CNTNAP5: variants seen among roughly 807,000 people sequenced by gnomAD.
CNTNAP5 encodes contactin-associated protein-like 5.
In CNTNAP5, 72 loss-of-function variants were observed where a neutral mutation model predicts 150.2. The observed-to-expected ratio is 0.48, with a 90% CI of 0.40 to 0.58. CNTNAP5 has a LOEUF of 0.58. Ranked by LOEUF, CNTNAP5 falls within the 20% of genes least tolerant of loss-of-function variation. The pLI is 0.00. For synonymous variants in CNTNAP5, 672 were observed against 619.8 expected, an observed-to-expected ratio of 1.08 and a Z score of -1.25; for missense variants, 1,636 against 1,626.2, an observed-to-expected ratio of 1.01 and a Z score of -0.10.
At chr2:124,525,053 C>A (rs1335965173) in intron 9 of CNTNAP5, among the ~76,000 whole-genome samples, 1 of 152,134 alleles carries the variant, frequency 6.6e-6, no homozygotes, top group African/African-American at 2.4e-5. Context: ...TTAAGTGAGT[C>A]CTGGGAACCT....
chr2:124,359,136 G>A (rs1266470978), intron 3 of CNTNAP5, among the ~76,000 whole-genome samples: 1 of 152,066 alleles, frequency 6.6e-6, no homozygotes, highest in Non-Finnish European at 1.5e-5. Context: ...CATTTCTGTG[G>A]GATCGGCGGT....
chr2:124,821,723 A>G (rs927323075), intron 19 of CNTNAP5, among the ~76,000 whole-genome samples: 1 of 152,180 alleles, frequency 6.6e-6, no homozygotes, highest in African/African-American at 2.4e-5. Context: ...GTAGCTCTCC[A>G]AGTGTGATCC....
At chr2:124,359,331 T>C (rs939581725) in intron 3 of CNTNAP5, among the ~76,000 whole-genome samples, 5 of 151,442 alleles carry the variant, frequency 3.3e-5, no homozygotes, top group African/African-American at 7.3e-5. Flanking sequence ...TTTAGTTATT[T>C]CTTGCCTTCT....
At chr2:124,131,886 C>T (rs1219910923) in intron 1 of CNTNAP5, among the ~76,000 whole-genome samples, 1 of 152,120 alleles carries the variant, frequency 6.6e-6, no homozygotes, top group African/African-American at 2.4e-5. Flanking sequence ...TTTCATTTTG[C>T]TGTGTGTCTT....
intron 12 of CNTNAP5, among the ~76,000 whole-genome samples, chr2:124,614,863 A>G (rs766204459): frequency 3.3e-5 from 5 of 152,050 alleles, no homozygotes; most frequent in Non-Finnish European, 5.9e-5. Flanking sequence ...TCTCAGCCTT[A>G]TTTTACCCAG....
At chr2:124,110,990 G>C (rs1282264766) in intron 1 of CNTNAP5, among the ~76,000 whole-genome samples, 1 of 152,136 alleles carries the variant, frequency 6.6e-6, no homozygotes, top group African/African-American at 2.4e-5. Context: ...ATCTCTACTT[G>C]TCTGGTAAAT....
At chr2:124,882,726 A>G (rs1677992020) in intron 21 of CNTNAP5, among the ~76,000 whole-genome samples, 2 of 152,074 alleles carry the variant, frequency 1.3e-5, no homozygotes, top group Non-Finnish European at 2.9e-5. Context: ...CACTGCTAAT[A>G]AAGATATACT....
intron 1 of CNTNAP5, among the ~76,000 whole-genome samples, chr2:124,081,936 C>A (rs1342837906): frequency 6.6e-6 from 1 of 152,142 alleles, no homozygotes; most frequent in Non-Finnish European, 1.5e-5. Flanking sequence ...AATTTTATAT[C>A]AATACAAAAT....
intron 19 of CNTNAP5, among the ~76,000 whole-genome samples, chr2:124,862,084 G>A (rs897570765): frequency 1.3e-5 from 2 of 152,156 alleles, no homozygotes. Context: ...AAAGTGCTGG[G>A]ATTACAGGCG....
At position 124,025,747 on chromosome 2, in the gene CNTNAP5, C is replaced by T. The variant is rs1279636136; in HGVS notation, c.82+15C>T. 1.2e-6 allele frequency: 2 copies of T among 1,600,336 alleles called. No individual in the cohort carries two copies. The highest frequency in any genetic ancestry group is 4.5e-5 in the East Asian group (2 of 44,780). On this transcript the variant is annotated intron_variant, in intron 1 of 23. Transcript: ENST00000682447. ...AGCGACAAACTGTGAGTACGAGGAG[C>T]TGGGGGCGGGAAGGTGAGGTGGAAA...
chr2:124,471,794 A>G (rs1693521943), intron 6 of CNTNAP5, among the ~76,000 whole-genome samples: 1 of 152,116 alleles, frequency 6.6e-6, no homozygotes, highest in Non-Finnish European at 1.5e-5. Flanking sequence ...ATTTTACCAA[A>G]GGCCTTTCCT....
intron 11 of CNTNAP5, among the ~76,000 whole-genome samples, chr2:124,597,657 G>A (rs1052109246): frequency 5.3e-5 from 8 of 149,860 alleles, no homozygotes; most frequent in Admixed American, 1.3e-4. Flanking sequence ...TCTTTGTGGC[G>A]TTCTCTGTAT....
At chr2:124,909,168 C>T (rs1443496299) in intron 22 of CNTNAP5, among the ~76,000 whole-genome samples, 1 of 152,112 alleles carries the variant, frequency 6.6e-6, no homozygotes, top group Non-Finnish European at 1.5e-5. Context: ...AACTTCCAGT[C>T]CTGCAGGCTC....
chr2:124,713,289 CT>C (rs1218386902), intron 13 of CNTNAP5, among the ~76,000 whole-genome samples: 188 of 102,798 alleles, frequency 1.8e-3, no homozygotes, highest in Admixed American at 3.1e-3. Context: ...TTCTTTCTTT[CT>C]TTCTTTCTTT....
intron 18 of CNTNAP5, among the ~76,000 whole-genome samples, chr2:124,795,643 C>A (rs914676436): frequency 2.1e-4 from 32 of 152,044 alleles, no homozygotes; most frequent in Non-Finnish European, 1.9e-4. Context: ...TTGGCCTCCC[C>A]AGTAGCTGGT....
At chr2:124,111,244 A>G (rs1306101284) in intron 1 of CNTNAP5, among the ~76,000 whole-genome samples, 1 of 152,138 alleles carries the variant, frequency 6.6e-6, no homozygotes, top group Non-Finnish European at 1.5e-5. Flanking sequence ...GGAACTCTTG[A>G]GAGTTTAGAG....
intron 7 of CNTNAP5, among the ~76,000 whole-genome samples, chr2:124,490,504 A>G (rs751018336): frequency 6.6e-6 from 1 of 152,140 alleles, no homozygotes; most frequent in African/African-American, 2.4e-5. Context: ...TCTTTCCACA[A>G]TCTCTTTGAA....
At position 124,914,082 on chromosome 2, in the gene CNTNAP5, T is replaced by C. The variant is rs1573709066; in HGVS notation, c.3728-10T>C. 6.2e-7 allele frequency: 1 copy of C among 1,600,616 alleles called. No homozygotes were observed. Among genetic ancestry groups the C allele is most frequent in the Admixed American group, 1.7e-5 (1 of 59,284 alleles). ...ATTTCCTTCTCTCTTTCCTTCCCCTTTCTCTCCAGGGGTGATAGCAGTGGT... is the reference window on the plus strand; with the variant it reads ...ATTTCCTTCTCTCTTTCCTTCCCCTCTCTCTCCAGGGGTGATAGCAGTGGT... On this transcript the variant is annotated splice_polypyrimidine_tract_variant and intron_variant, in intron 23 of 23. Coordinates refer to ENST00000682447, the MANE Select transcript of CNTNAP5 (RefSeq NM_001367498.1).
chr2:124,870,965 G>C (rs1677734729), intron 21 of CNTNAP5, among the ~76,000 whole-genome samples: 1 of 152,076 alleles, frequency 6.6e-6, no homozygotes, highest in South Asian at 2.1e-4. Context: ...CAGAAACCTA[G>C]CTGAAGTAGG....
Sources: gnomAD v4.1 joint callset for allele counts (sites outside exome capture counted in the v4.1 genomes callset) on GRCh38, gnomAD v4.1.1 for gene constraint, MANE v1.5 for transcripts, NCBI Gene and HGNC (gene_info 2026-07-23, HGNC 2026-07-21) for gene names.